Variants in FANK1 observed in about 807,000 individuals in gnomAD.
FANK1 encodes fibronectin type III and ankyrin repeat domains 1.
Under a neutral mutation model 45.3 loss-of-function variants are expected in FANK1, and 44 were observed. The observed-to-expected ratio is 0.97, with a 90% CI of 0.76 to 1.25. FANK1 has a LOEUF of 1.25. Among genes scored for constraint, FANK1 ranks in the 50% most tolerant of loss-of-function variants. The probability of loss-of-function intolerance (pLI) is 0.00; values close to 1 mark genes in which losing one functional copy is unlikely to be tolerated. For synonymous variants in FANK1, 149 were observed against 152.5 expected (o/e 0.98, Z 0.17); for missense variants, 391 against 424.4 (o/e 0.92, Z 0.69).
intron 1 of FANK1, among the ~76,000 whole-genome samples, chr10:125,920,414 A>G (rs1398119322): frequency 6.6e-6 from 1 of 152,218 alleles, no homozygotes; most frequent in Non-Finnish European, 1.5e-5. Flanking sequence ...AGAATTCACT[A>G]GATTGGTTAA....
At chr10:125,943,628 ACTCT>A (rs896108532) in intron 1 of FANK1, among the ~76,000 whole-genome samples, 1 of 152,042 alleles carries the variant, frequency 6.6e-6, no homozygotes, top group African/African-American at 2.4e-5. Context: ...TTTTGAATGA[ACTCT>A]CTATTCATGC....
chr10:125,945,392 G>A (rs528399867), intron 1 of FANK1, among the ~76,000 whole-genome samples: 31 of 152,304 alleles, frequency 2.0e-4, no homozygotes, highest in African/African-American at 5.8e-4. Context: ...CAGTGGGTGC[G>A]CGCACCGTGC....
chr10:125,946,057 A>G, intron 1 of FANK1, among the ~76,000 whole-genome samples: 1 of 152,162 alleles, frequency 6.6e-6, no homozygotes, highest in South Asian at 2.1e-4. Context: ...CCTGTCTGTT[A>G]GAAGGAAAAC....
chr10:125,976,649 A>G (rs1368956615), intron 1 of FANK1, among the ~76,000 whole-genome samples: 2 of 151,670 alleles, frequency 1.3e-5, no homozygotes, highest in East Asian at 3.9e-4. Context: ...CTGAGACGGA[A>G]TCTCGCTCTG....
rs373550249 is a variant in FANK1, at chr10:125,897,998, C to CAAAA, written c.13+1376_13+1379dup. 1.4e-3 allele frequency among the ~76,000 whole-genome samples: 24 copies of CAAAA among 16,796 alleles called. 5 individuals are homozygous for CAAAA. Among genetic ancestry groups the CAAAA allele is most frequent in the Non-Finnish European group, 1.9e-3 (18 of 9,384 alleles). 11.0% of individuals were successfully genotyped at this position (16,796 alleles called of 152,430 possible). On this transcript the variant is annotated intron_variant, in intron 1 of 10. Coordinates refer to ENST00000368693, the MANE Select transcript of FANK1 (RefSeq NM_145235.5). ...AGTGAAACCCATCTCTACTAAAATA[C>CAAAA]AAAAAAAAAAAAAAAAAAAAAAAAA...
intron 1 of FANK1, among the ~76,000 whole-genome samples, chr10:125,944,836 G>T (rs1439622626): frequency 1.3e-5 from 2 of 152,184 alleles, no homozygotes; most frequent in East Asian, 1.9e-4. Flanking sequence ...GCTAATGACT[G>T]GTTTGCTGTC....
intron 1 of FANK1, among the ~76,000 whole-genome samples, chr10:125,946,026 A>G (rs1421111515): frequency 3.9e-5 from 6 of 152,148 alleles, no homozygotes; most frequent in Non-Finnish European, 8.8e-5. Context: ...AGGGTATTCC[A>G]ACAGACCTGC....
At chr10:125,902,645 G>T (rs1477097908) in intron 1 of FANK1, among the ~76,000 whole-genome samples, 1 of 152,104 alleles carries the variant, frequency 6.6e-6, no homozygotes, top group South Asian at 2.1e-4. Flanking sequence ...TAAACGAGAT[G>T]TTTTAAACGA....
At chr10:125,946,739 A>G (rs1162944237) in intron 1 of FANK1, among the ~76,000 whole-genome samples, 2 of 137,532 alleles carry the variant, frequency 1.5e-5, no homozygotes, top group East Asian at 4.2e-4. Flanking sequence ...CAACGTTCAG[A>G]TTCAGGAAAT....
At chr10:125,999,528 C>T (rs1952600636) in intron 6 of FANK1, among the ~76,000 whole-genome samples, 1 of 152,130 alleles carries the variant, frequency 6.6e-6, no homozygotes. Context: ...CCTTTGATTG[C>T]AGCATACCAA....
chr10:125,999,621 AG>A (rs1460884557), intron 6 of FANK1, among the ~76,000 whole-genome samples: 1 of 152,146 alleles, frequency 6.6e-6, no homozygotes, highest in African/African-American at 2.4e-5. Context: ...TTAGTAGTGA[AG>A]CCCAGGAGAG....
At chr10:125,982,620 C>T (rs1266045523) in intron 2 of FANK1, among the ~76,000 whole-genome samples, 1 of 152,164 alleles carries the variant, frequency 6.6e-6, no homozygotes, top group African/African-American at 2.4e-5. Context: ...TCTAGAATAC[C>T]TGATGTTTGG....
chr10:126,005,287 C>T (rs993047255), intron 7 of FANK1, among the ~76,000 whole-genome samples: 4 of 150,922 alleles, frequency 2.7e-5, no homozygotes, highest in Non-Finnish European at 5.9e-5. Context: ...AGAGCTGGAC[C>T]TGATGCTTCT....
In FANK1 at chr10:125,980,533, C is replaced by T. The variant is rs61870958; in HGVS notation, c.191+195C>T. 1.5e-3 allele frequency: 818 copies of T among 537,106 alleles called. 2 individuals carry two copies. The highest frequency in any genetic ancestry group is 1.8e-3 in the Non-Finnish European group (573 of 309,990). The allele number at this position is 537,106 out of a possible 1,614,324, so 33.3% of individuals were successfully genotyped here. ...GTAACTTTGAAATTAAACCTCTGTA[C>T]CTTTGAGAGCTTCTTTGACTTCTGA... On this transcript the variant is annotated intron_variant, in intron 2 of 10. Coordinates refer to ENST00000368693, the MANE Select transcript of FANK1 (RefSeq NM_145235.5).
intron 1 of FANK1, among the ~76,000 whole-genome samples, chr10:125,925,587 G>A (rs1421731173): frequency 2.6e-5 from 4 of 152,160 alleles, no homozygotes; most frequent in Non-Finnish European, 5.9e-5. Context: ...TTTAGAGATA[G>A]AGTTTGGCTA....
intron 1 of FANK1, among the ~76,000 whole-genome samples, chr10:125,915,584 A>AG (rs1371050834): frequency 3.3e-5 from 5 of 152,250 alleles, no homozygotes; most frequent in Admixed American, 1.3e-4. Flanking sequence ...TGGGAGGTTG[A>AG]GGTAGACATC....
intron 1 of FANK1, among the ~76,000 whole-genome samples, chr10:125,930,690 TG>T (rs1230695860): frequency 6.6e-6 from 1 of 152,078 alleles, no homozygotes; most frequent in African/African-American, 2.4e-5. Context: ...ACTATATACA[TG>T]GGCATGCTTT....
intron 7 of FANK1, among the ~76,000 whole-genome samples, chr10:126,006,732 C>T (rs958759513): frequency 2.6e-5 from 4 of 152,266 alleles, no homozygotes; most frequent in African/African-American, 4.8e-5. Context: ...TGGTGGTGGG[C>T]ACCTGTAATC....
chr10:125,950,655 C>T (rs1266362999), intron 1 of FANK1, among the ~76,000 whole-genome samples: 1 of 152,132 alleles, frequency 6.6e-6, no homozygotes, highest in Non-Finnish European at 1.5e-5. Flanking sequence ...GGACTGTAAA[C>T]TAGTTCAACC....
Sources: gnomAD v4.1 joint callset for allele counts (sites outside exome capture counted in the v4.1 genomes callset) on GRCh38, gnomAD v4.1.1 for gene constraint, MANE v1.5 for transcripts, NCBI Gene and HGNC (gene_info 2026-07-23, HGNC 2026-07-21) for gene names.